ZNF704: variants seen among roughly 807,000 people sequenced by gnomAD.
The protein encoded by ZNF704 is zinc finger protein 704.
ZNF704 carries 10 observed loss-of-function variants against 44.7 expected under a neutral mutation model. That is an observed-to-expected ratio of 0.22 (90% CI 0.14 to 0.38). ZNF704 has a LOEUF of 0.38. ZNF704 is among the 10% of genes least tolerant of loss of function. ZNF704 has a pLI of 1.00. For missense variants in ZNF704, 390 were observed against 545.5 expected (o/e 0.71, Z 2.84); for synonymous variants, 211 against 207.6 (o/e 1.02, Z -0.14).
chr8:80,815,108 T>A lies in ZNF704; in HGVS notation c.221+6266A>T, dbSNP rs1312984678. Reference sequence around the variant, plus strand: ...CTGAAGTTCTTTTAAACTATATAATTCCCAGAATGGCACGCTATAAGGAGA... The same window carrying A: ...CTGAAGTTCTTTTAAACTATATAATACCCAGAATGGCACGCTATAAGGAGA... On this transcript the variant is annotated intron_variant, in intron 2 of 8. Coordinates refer to ENST00000327835, the MANE Select transcript of ZNF704 (RefSeq NM_001033723.3). Among the ~76,000 whole-genome samples, 6 of 152,280 alleles carry A rather than the reference T, an allele frequency of 3.9e-5. No individual in the cohort carries two copies. The East Asian group carries it at 1.2e-3, about 29-fold the overall frequency.
intron 7 of ZNF704, among the ~76,000 whole-genome samples, chr8:80,657,240 T>A (rs1406869333): frequency 6.6e-6 from 1 of 152,166 alleles, no homozygotes; most frequent in Non-Finnish European, 1.5e-5. Context: ...AGCCTTCTTG[T>A]CTTTCTAGGG....
chr8:80,862,760 G>A (rs867275722), intron 1 of ZNF704, among the ~76,000 whole-genome samples: 49 of 100,254 alleles, frequency 4.9e-4, no homozygotes, highest in Admixed American at 2.1e-3. Flanking sequence ...GTGAGACTCC[G>A]TCTCAAAAAA....
chr8:80,694,060 A>G (rs935182884), intron 2 of ZNF704, among the ~76,000 whole-genome samples: 8 of 152,126 alleles, frequency 5.3e-5, no homozygotes, highest in Non-Finnish European at 1.0e-4. Flanking sequence ...AGCAAAAGGG[A>G]GCGAGGAAGG....
At chr8:80,727,611 G>A (rs999846759) in intron 2 of ZNF704, among the ~76,000 whole-genome samples, 3 of 152,016 alleles carry the variant, frequency 2.0e-5, no homozygotes, top group South Asian at 2.1e-4. Flanking sequence ...AGCGGGTAAC[G>A]AGGGAGAGGC....
chr8:80,855,276 G>T (rs1808939617), intron 1 of ZNF704, among the ~76,000 whole-genome samples: 1 of 152,014 alleles, frequency 6.6e-6, no homozygotes, highest in Non-Finnish European at 1.5e-5. Flanking sequence ...GAGTAAAAGT[G>T]TTTAATTTTG....
chr8:80,642,024 A>T (rs910256238), intron 8 of ZNF704, among the ~76,000 whole-genome samples: 5 of 152,240 alleles, frequency 3.3e-5, no homozygotes, highest in Non-Finnish European at 7.3e-5. Context: ...AGTAGAGAGC[A>T]ACATTGCTCT....
chr8:80,820,727 A>C, intron 2 of ZNF704, among the ~76,000 whole-genome samples: 1 of 151,910 alleles, frequency 6.6e-6, no homozygotes, highest in East Asian at 1.9e-4. Flanking sequence ...ACAGTGAGAC[A>C]CCATCTCTAC....
chr8:80,692,753 GA>G (rs1818660582), intron 3 of ZNF704, among the ~76,000 whole-genome samples: 1 of 152,206 alleles, frequency 6.6e-6, no homozygotes, highest in Non-Finnish European at 1.5e-5. Context: ...TGGCAAGGCA[GA>G]AAACAAAGGA....
intron 2 of ZNF704, among the ~76,000 whole-genome samples, chr8:80,748,858 T>C (rs960078821): frequency 6.6e-6 from 1 of 152,210 alleles, no homozygotes; most frequent in Non-Finnish European, 1.5e-5. Flanking sequence ...CTGAGAGACA[T>C]GGTCAGGCCC....
At chr8:80,652,722 C>A (rs1222176746) in intron 7 of ZNF704, among the ~76,000 whole-genome samples, 3 of 152,254 alleles carry the variant, frequency 2.0e-5, no homozygotes, top group East Asian at 3.9e-4. Context: ...GATTCACAGC[C>A]AAATTCTACC....
At chr8:80,766,854 A>G (rs1438700820) in intron 2 of ZNF704, among the ~76,000 whole-genome samples, 2 of 152,096 alleles carry the variant, frequency 1.3e-5, no homozygotes, top group Non-Finnish European at 2.9e-5. Flanking sequence ...CTGGGATTAC[A>G]GGCATGCGTC....
intron 5 of ZNF704, among the ~76,000 whole-genome samples, chr8:80,667,165 G>T (rs1483738338): frequency 6.6e-6 from 1 of 152,140 alleles, no homozygotes; most frequent in Non-Finnish European, 1.5e-5. Context: ...CCAGAGGCTG[G>T]AGCTCGGGAC....
chr8:80,666,744 T>C (rs1444964154), intron 5 of ZNF704, among the ~76,000 whole-genome samples: 3 of 151,106 alleles, frequency 2.0e-5, no homozygotes, highest in Non-Finnish European at 4.4e-5. Flanking sequence ...CATGTGTTTT[T>C]TGGCTGCATA....
chr8:80,839,717 C>G (rs1469029063), intron 1 of ZNF704, among the ~76,000 whole-genome samples: 1 of 152,174 alleles, frequency 6.6e-6, no homozygotes, highest in Non-Finnish European at 1.5e-5. Flanking sequence ...GCGTTAACCC[C>G]TGATAGATGA....
At chr8:80,751,622 T>G (rs759762309) in intron 2 of ZNF704, among the ~76,000 whole-genome samples, 13 of 152,190 alleles carry the variant, frequency 8.5e-5, no homozygotes, top group Non-Finnish European at 1.6e-4. Flanking sequence ...AATCTAAAAG[T>G]ACATACATGT....
chr8:80,770,863 T>C (rs2129657819), intron 2 of ZNF704, among the ~76,000 whole-genome samples: 1 of 152,312 alleles, frequency 6.6e-6, no homozygotes, highest in East Asian at 1.9e-4. Context: ...TTCAAGTTAA[T>C]TTATGTATAA....
chr8:80,725,653 G>A (rs1220576617), intron 2 of ZNF704, among the ~76,000 whole-genome samples: 11 of 152,090 alleles, frequency 7.2e-5, no homozygotes, highest in Admixed American at 5.2e-4. Context: ...ATGTCATCCT[G>A]CAAACTTAGA....
At chr8:80,837,605 C>G (rs529822797) in intron 1 of ZNF704, among the ~76,000 whole-genome samples, 1 of 152,232 alleles carries the variant, frequency 6.6e-6, no homozygotes, top group South Asian at 2.1e-4. Flanking sequence ...TTCTATGGAT[C>G]ACAGGAAATC....
At chr8:80,853,506 T>A (rs1808905550) in intron 1 of ZNF704, among the ~76,000 whole-genome samples, 1 of 152,064 alleles carries the variant, frequency 6.6e-6, no homozygotes, top group African/African-American at 2.4e-5. Flanking sequence ...AAGATTATTT[T>A]AGCAGTTCTG....
Sources: gnomAD v4.1 joint callset for allele counts (sites outside exome capture counted in the v4.1 genomes callset) on GRCh38, gnomAD v4.1.1 for gene constraint, MANE v1.5 for transcripts, NCBI Gene and HGNC (gene_info 2026-07-23, HGNC 2026-07-21) for gene names.